Variants in CCDC102B observed in about 807,000 individuals in gnomAD.
CCDC102B encodes the protein coiled-coil domain-containing protein 102B.
In CCDC102B, 75 loss-of-function variants were observed where a neutral mutation model predicts 57.4. That is an observed-to-expected ratio of 1.31 (90% CI 1.08 to 1.58). CCDC102B has a LOEUF of 1.58. CCDC102B is among the 40% of genes most tolerant of loss of function. CCDC102B has a pLI of 0.00. For missense variants in CCDC102B, 636 were observed against 582.6 expected (o/e 1.09, Z -0.94); for synonymous variants, 206 against 201.9 (o/e 1.02, Z -0.17).
chr18:68,928,332 G>A (rs1360796997), intron 6 of CCDC102B, among the ~76,000 whole-genome samples: 1 of 151,854 alleles, frequency 6.6e-6, no homozygotes, highest in East Asian at 1.9e-4. Flanking sequence ...GCTATTGACA[G>A]TGAAGGAAGA....
intron 6 of CCDC102B, among the ~76,000 whole-genome samples, chr18:68,921,162 C>T (rs2145108462): frequency 6.6e-6 from 1 of 152,268 alleles, no homozygotes; most frequent in South Asian, 2.1e-4. Flanking sequence ...ATATTCTAGC[C>T]TTAGTCCTTG....
chr18:68,771,857 G>A (rs1487355016), intron 2 of CCDC102B, among the ~76,000 whole-genome samples: 1 of 127,578 alleles, frequency 7.8e-6, no homozygotes, highest in East Asian at 2.3e-4. Context: ...CATATGAGTT[G>A]TTACTCTGAA....
intron 7 of CCDC102B, among the ~76,000 whole-genome samples, chr18:69,022,944 G>A (rs766430977): frequency 1.0e-4 from 15 of 149,404 alleles, no homozygotes; most frequent in African/African-American, 2.5e-4. Context: ...AGATTACATC[G>A]ACAATTGCAA....
intron 2 of CCDC102B, among the ~76,000 whole-genome samples, chr18:68,790,119 G>T (rs903205661): frequency 7.3e-6 from 1 of 137,412 alleles, no homozygotes; most frequent in African/African-American, 2.9e-5. Flanking sequence ...CCTGCTGGGG[G>T]GTGCCTCCCA....
In CCDC102B at chr18:68,750,619, G is replaced by A. The variant is rs117314134; in HGVS notation, c.-67+34025G>A. Reference sequence around the variant, plus strand: ...ATACATCATGGAATACCATGCAGCTGTAAAAAACAATGAGTTCATATCTTT... The same window carrying A: ...ATACATCATGGAATACCATGCAGCTATAAAAAACAATGAGTTCATATCTTT... On this transcript the variant is annotated intron_variant, in intron 2 of 3. Coordinates refer to the CCDC102B transcript ENST00000578970. 9.8e-3 allele frequency among the ~76,000 whole-genome samples: 1,491 copies of A among 152,102 alleles called. 11 individuals are homozygous for A. The highest frequency in any genetic ancestry group is 0.014 in the Non-Finnish European group (970 of 67,988).
intron 3 of CCDC102B, among the ~76,000 whole-genome samples, chr18:68,840,667 C>T (rs9963012): frequency 0.014 from 2,161 of 152,206 alleles, 45 homozygotes; most frequent in African/African-American, 0.048. Flanking sequence ...CTTCTTGAAG[C>T]ATTTAACTTT....
chr18:68,944,560 T>A (rs758563815), intron 6 of CCDC102B, among the ~76,000 whole-genome samples: 1 of 151,916 alleles, frequency 6.6e-6, no homozygotes, highest in Non-Finnish European at 1.5e-5. Flanking sequence ...ATAAGGGCAC[T>A]AATCCAATTC....
chr18:68,843,098 T>C (rs1156729362), intron 3 of CCDC102B, among the ~76,000 whole-genome samples: 1 of 152,198 alleles, frequency 6.6e-6, no homozygotes, highest in African/African-American at 2.4e-5. Context: ...ATGGCTTGGC[T>C]GTTTGCAACA....
intron 2 of CCDC102B, among the ~76,000 whole-genome samples, chr18:68,775,838 G>C (rs985728262): frequency 6.6e-6 from 1 of 151,972 alleles, no homozygotes; most frequent in Non-Finnish European, 1.5e-5. Context: ...ATTTTTAGTA[G>C]AGATGGGGTT....
At chr18:68,887,643 A>G (rs1917531687) in intron 5 of CCDC102B, among the ~76,000 whole-genome samples, 1 of 152,208 alleles carries the variant, frequency 6.6e-6, no homozygotes, top group South Asian at 2.1e-4. Flanking sequence ...CCACTCCTAG[A>G]AGAGAAAACT....
chr18:68,735,107 A>G (rs1555695384), intron 2 of CCDC102B, among the ~76,000 whole-genome samples: 1 of 152,204 alleles, frequency 6.6e-6, no homozygotes, highest in Non-Finnish European at 1.5e-5. Flanking sequence ...GCTGGAGTGC[A>G]GTGGTGCAGT....
chr18:68,868,451 G>A lies in CCDC102B; in HGVS notation c.937-6218G>A, dbSNP rs1249512520. 3.9e-5 allele frequency among the ~76,000 whole-genome samples: 6 copies of A among 152,042 alleles called. 1 individual carries two copies. In the East Asian group the frequency reaches 9.7e-4, roughly 24 times the overall value. ...AAATTTTTTGAAGCAATGATCCAAG[G>A]CGTAAAATGCTTCTCTGTGGCTTAT... On this transcript the variant is annotated intron_variant, in intron 4 of 7. Coordinates refer to ENST00000360242, the MANE Select transcript of CCDC102B (RefSeq NM_024781.3).
chr18:68,897,509 G>C, intron 6 of CCDC102B, 81 bp downstream of exon 6: 1 of 1,544,922 alleles, frequency 6.5e-7, no homozygotes. Flanking sequence ...ACTCGTACAC[G>C]CCTCCACATT....
At chr18:68,840,618 C>T (rs2037586491) in intron 3 of CCDC102B, among the ~76,000 whole-genome samples, 1 of 151,984 alleles carries the variant, frequency 6.6e-6, no homozygotes, top group African/African-American at 2.4e-5. Flanking sequence ...TTTATCTAGC[C>T]CTATACATTT....
chr18:68,890,389 C>T (rs971239384), intron 5 of CCDC102B, among the ~76,000 whole-genome samples: 1 of 152,106 alleles, frequency 6.6e-6, no homozygotes, highest in African/African-American at 2.4e-5. Flanking sequence ...GCACATGCCA[C>T]CACGCCTGAC....
chr18:68,850,067 C>G (rs906578882), intron 4 of CCDC102B, among the ~76,000 whole-genome samples: 1 of 152,210 alleles, frequency 6.6e-6, no homozygotes, highest in African/African-American at 2.4e-5. Flanking sequence ...TATAGCAATA[C>G]ATAATTGCAA....
At chr18:69,055,263 GTA>G (rs947793975), downstream of CCDC102B, 25 of 620,082 alleles carry the variant, frequency 4.0e-5, no homozygotes, top group Non-Finnish European at 4.8e-5. Flanking sequence ...ATGGGGGATT[GTA>G]TGACTAATAG....
chr18:69,038,879 A>G (rs1013144817), intron 7 of CCDC102B, among the ~76,000 whole-genome samples: 5 of 152,088 alleles, frequency 3.3e-5, no homozygotes, highest in Admixed American at 1.3e-4. Context: ...CAGATATTTC[A>G]TAAATGCATA....
At chr18:68,844,410 T>C (rs909600903) in intron 3 of CCDC102B, among the ~76,000 whole-genome samples, 2 of 151,840 alleles carry the variant, frequency 1.3e-5, no homozygotes, top group African/African-American at 4.8e-5. Context: ...ATTTAACATA[T>C]GCCATTTGCT....
Sources: gnomAD v4.1 joint callset for allele counts (sites outside exome capture counted in the v4.1 genomes callset) on GRCh38, gnomAD v4.1.1 for gene constraint, MANE v1.5 for transcripts, NCBI Gene and HGNC (gene_info 2026-07-23, HGNC 2026-07-21) for gene names.